PLA2G1B: variants seen among roughly 807,000 people sequenced by gnomAD.
The protein encoded by PLA2G1B is phospholipase A2 group IB.
PLA2G1B carries 12 observed loss-of-function variants against 12.5 expected under a neutral mutation model. That is an observed-to-expected ratio of 0.96 (90% confidence interval 0.62 to 1.56). The LOEUF (loss-of-function observed/expected upper bound fraction) is 1.56, where lower values mean the gene tolerates loss of function less well. PLA2G1B is among the 40% of genes most tolerant of loss of function. The probability of loss-of-function intolerance (pLI) is 0.00; values close to 1 mark genes in which losing one functional copy is unlikely to be tolerated. For synonymous variants in PLA2G1B, 81 were observed against 73.4 expected (o/e 1.10, Z -0.53); for missense variants, 189 against 186.7 (o/e 1.01, Z -0.07).
chr12:120,324,372 A>G (rs1307125184), intron 3 of PLA2G1B, among the ~76,000 whole-genome samples: 3 of 152,156 alleles, frequency 2.0e-5, no homozygotes, highest in Non-Finnish European at 1.5e-5. Flanking sequence ...GATGGAATGT[A>G]AAGAAATAAG....
At chr12:120,322,698 T>C (rs76386353) in intron 3 of PLA2G1B, among the ~76,000 whole-genome samples, 1 of 152,308 alleles carries the variant, frequency 6.6e-6, no homozygotes, top group Non-Finnish European at 1.5e-5. Context: ...GTGATACTCC[T>C]GCCTCAGACT....
rs56186515 is a variant in PLA2G1B, at chr12:120,326,578, TATAATAATAATAATAATAATAATA to T, written c.35-582_35-559del. Among the ~76,000 whole-genome samples, 10 of 139,900 alleles carry T rather than the reference TATAATAATAATAATAATAATAATA, an allele frequency of 7.1e-5. No homozygotes were observed. The East Asian group carries it at 8.2e-4, about 11-fold the overall frequency. 91.8% of individuals were successfully genotyped at this position (139,900 alleles called of 152,430 possible). On this transcript the variant is annotated intron_variant, in intron 1 of 3. Coordinates refer to ENST00000308366, the MANE Select transcript of PLA2G1B (RefSeq NM_000928.3). ...AGCTAGAGATACAGCAGTGAACAGATATAATAATAATAATAATAATAATAATAATAATAATAATAATAATAATCT... is the reference window on the plus strand; with the variant it reads ...AGCTAGAGATACAGCAGTGAACAGATATAATAATAATAATAATAATAATCT...
intron 3 of PLA2G1B, among the ~76,000 whole-genome samples, chr12:120,324,545 G>A (rs919993003): frequency 5.3e-5 from 8 of 152,094 alleles, no homozygotes; most frequent in Non-Finnish European, 7.4e-5. Context: ...GTGCACGCTC[G>A]TAGTCCCAGC....
chr12:120,323,760 C>A (rs1873282953), intron 3 of PLA2G1B, among the ~76,000 whole-genome samples: 1 of 151,678 alleles, frequency 6.6e-6, no homozygotes, highest in African/African-American at 2.4e-5. Context: ...CAAATTAAGC[C>A]ATATTATTCA....
intron 1 of PLA2G1B, among the ~76,000 whole-genome samples, chr12:120,327,310 A>AAAATAAAGTT (rs1285319149): frequency 1.3e-5 from 2 of 152,000 alleles, no homozygotes; most frequent in Non-Finnish European, 2.9e-5. Flanking sequence ...AAAATAAAGT[A>AAAATAAAGTT]AAATAAAAAT....
At position 120,325,845 on chromosome 12, in the gene PLA2G1B, C is replaced by G; in HGVS notation, c.194+16G>C. On this transcript the variant is annotated intron_variant, in intron 2 of 3. Coordinates refer to ENST00000308366, the MANE Select transcript of PLA2G1B (RefSeq NM_000928.3). ...CCCGGCAGGCACTCCAATTTTCCTG[C>G]AGGCGGATCACTTACTTGTCCAGTT... is the stretch of plus-strand genomic sequence containing the variant. 6.2e-7 allele frequency: 1 copy of G among 1,612,154 alleles called. No homozygotes were observed. The highest frequency in any genetic ancestry group is 2.2e-5 in the East Asian group (1 of 44,764).
intron 3 of PLA2G1B, among the ~76,000 whole-genome samples, chr12:120,324,212 C>T (rs1873292068): frequency 6.6e-6 from 1 of 151,932 alleles, no homozygotes; most frequent in Non-Finnish European, 1.5e-5. Flanking sequence ...ACTCAGGAGG[C>T]TTAGGCAGGA....
rs569826658 is a variant in PLA2G1B, at chr12:120,325,140, C to G, written c.195-79G>C. On this transcript the variant is annotated intron_variant, in intron 2 of 3. Transcript: ENST00000308366. ...GCCCTCACCTGCCCACTCTCAGGAACAGGTGGGGATGACTTCGCCAAGATG... is the reference window on the plus strand; with the variant it reads ...GCCCTCACCTGCCCACTCTCAGGAAGAGGTGGGGATGACTTCGCCAAGATG... The G allele has an allele frequency of 2.0e-6, 3 of 1,487,002 alleles. No homozygotes were observed. In the East Asian group the frequency reaches 6.8e-5, roughly 34 times the overall value. The allele number at this position is 1,487,002 out of a possible 1,614,324, so 92.1% of individuals were successfully genotyped here.
intron 1 of PLA2G1B, among the ~76,000 whole-genome samples, chr12:120,326,682 G>A (rs1873357299): frequency 6.6e-6 from 1 of 151,280 alleles, no homozygotes; most frequent in African/African-American, 2.4e-5. Context: ...AATAATAAAT[G>A]TGATAAGGCC....
At position 120,324,927 on chromosome 12, in the gene PLA2G1B, A is replaced by G; in HGVS notation, c.322+7T>C. 4 of 1,614,090 alleles carry G rather than the reference A, an allele frequency of 2.5e-6. No homozygotes were observed. The highest frequency in any genetic ancestry group is 3.4e-6 in the Non-Finnish European group (4 of 1,179,970). On this transcript the variant is annotated splice_region_variant and intron_variant, in intron 3 of 3. Coordinates refer to ENST00000308366, the MANE Select transcript of PLA2G1B (RefSeq NM_000928.3). ...GAATTCATAGGTCAAGGAAGGGATA[A>G]ACCTACTGCTACAGGTGATTGCCGA...
intron 1 of PLA2G1B, 71 bp downstream of exon 1, chr12:120,327,649 C>G: frequency 4.2e-6 from 6 of 1,445,300 alleles, no homozygotes; most frequent in Non-Finnish European, 5.8e-6. Context: ...CCTGTGGCCC[C>G]CATTCCAGAG....
chr12:120,325,953 C>T lies in PLA2G1B; in HGVS notation c.102G>A (p.Val34=), dbSNP rs745690452. Reference sequence around the variant, plus strand: ...CCAAGAAGGGGTCACTCCCCGGGATCACGCACTTGATCATTTTGCGGAACT... The same window carrying T: ...CCAAGAAGGGGTCACTCCCCGGGATTACGCACTTGATCATTTTGCGGAACT... ...VWQFRKMIKC[V]IPGSDPFLEY... The change falls in exon 2 of 4, where the codon GTG becomes GTA. Residue 34 remains valine, a synonymous_variant. Coordinates refer to ENST00000308366, the MANE Select transcript of PLA2G1B (RefSeq NM_000928.3). The T allele has an allele frequency of 1.2e-6, 2 of 1,614,162 alleles. No homozygotes were observed. Among genetic ancestry groups the T allele is most frequent in the Admixed American group, 3.3e-5 (2 of 60,022 alleles).
chr12:120,323,772 T>G (rs560656110), intron 3 of PLA2G1B, among the ~76,000 whole-genome samples: 7 of 152,126 alleles, frequency 4.6e-5, no homozygotes, highest in African/African-American at 1.7e-4. Flanking sequence ...TATTATTCAG[T>G]GACTAAAATA....
intron 1 of PLA2G1B, among the ~76,000 whole-genome samples, chr12:120,327,378 G>C (rs9657928): frequency 0.01 from 1,524 of 152,178 alleles, 15 homozygotes; most frequent in African/African-American, 0.028. Context: ...AGTTGAGTAA[G>C]GTGGGAGGAT....
At position 120,325,938 on chromosome 12, in the gene PLA2G1B, G is replaced by A. The variant is rs550435120; in HGVS notation, c.117C>T (p.Asp39=). 2.5e-6 allele frequency: 4 copies of A among 1,614,132 alleles called. No individual in the cohort carries two copies. In the South Asian group the frequency reaches 4.4e-5, roughly 18 times the overall value. ...CGTAGTTGTTGTATTCCAAGAAGGG[G>A]TCACTCCCCGGGATCACGCACTTGA... ...KMIKCVIPGS[D]PFLEYNNYGC... The change falls in exon 2 of 4, where the codon GAC becomes GAT. Residue 39 remains aspartate (D), a synonymous_variant. Transcript: ENST00000308366.
intron 1 of PLA2G1B, 103 bp from the exon 2 acceptor site, chr12:120,326,123 C>A (rs1199348417): frequency 9.2e-6 from 11 of 1,199,904 alleles, no homozygotes; most frequent in African/African-American, 1.5e-5. Flanking sequence ...TGACCCCTGC[C>A]AGCTGCCTCC....
rs761277037 is a variant in PLA2G1B, at chr12:120,325,974, G to A, written c.81C>T (p.Phe27=). 2 of 1,614,114 alleles carry A rather than the reference G, an allele frequency of 1.2e-6. No homozygotes were observed. Among genetic ancestry groups the A allele is most frequent in the South Asian group, 2.2e-5 (2 of 91,090 alleles). Residue 27 remains phenylalanine (F), a synonymous_variant, in exon 2 of 4, where the codon TTC becomes TTT. Coordinates refer to ENST00000308366, the MANE Select transcript of PLA2G1B (RefSeq NM_000928.3). ...SGISPRAVWQ[F]RKMIKCVIPG... ...GGATCACGCACTTGATCATTTTGCG[G>A]AACTGCCACACGGCCCGAGGGCTGA...
At chr12:120,327,624 C>T in intron 1 of PLA2G1B, 96 bp downstream of exon 1, 1 of 1,206,100 alleles carries the variant, frequency 8.3e-7, no homozygotes, top group East Asian at 2.3e-5. Flanking sequence ...GGCTGGCCAT[C>T]CCTGTTTGCT....
chr12:120,326,702 G>A (rs1485529712), intron 1 of PLA2G1B, among the ~76,000 whole-genome samples: 1 of 151,810 alleles, frequency 6.6e-6, no homozygotes, highest in Non-Finnish European at 1.5e-5. Flanking sequence ...CGGGCACGGT[G>A]GCTCATGCCT....
Sources: allele counts gnomAD v4.1 joint callset (sites outside exome capture counted in the v4.1 genomes callset), GRCh38; gene constraint gnomAD v4.1.1; transcripts MANE v1.5; gene names NCBI Gene and HGNC (gene_info 2026-07-23, HGNC 2026-07-21).